The following PANX1 variants were observed in gnomAD, a reference collection of about 807,000 sequenced individuals.
PANX1 encodes pannexin 1, also known as pannexin-1.
In PANX1, 30 loss-of-function variants were observed where a neutral mutation model predicts 38.7. The observed-to-expected ratio is 0.78, with a 90% CI of 0.58 to 1.05. PANX1 has a LOEUF of 1.05. Among genes scored for constraint, PANX1 ranks in the 50% least tolerant of loss-of-function variants. The probability of loss-of-function intolerance (pLI) is 0.00; values close to 1 mark genes in which losing one functional copy is unlikely to be tolerated. For synonymous variants in PANX1, 230 were observed against 212.2 expected, an observed-to-expected ratio of 1.08 and a Z score of -0.73; for missense variants, 551 against 517.2, an observed-to-expected ratio of 1.07 and a Z score of -0.63.
intron 1 of PANX1, among the ~76,000 whole-genome samples, chr11:94,148,683 G>A (rs1178763253): frequency 6.6e-6 from 1 of 152,198 alleles, no homozygotes; most frequent in Non-Finnish European, 1.5e-5. Flanking sequence ...TATGGGGTAT[G>A]TGTGTCTATA....
chr11:94,167,089 T>TTG (rs1168761091), intron 2 of PANX1, among the ~76,000 whole-genome samples: 1 of 152,164 alleles, frequency 6.6e-6, no homozygotes, highest in Non-Finnish European at 1.5e-5. Flanking sequence ...AATGCTTCTT[T>TTG]TGTGGGACCT....
chr11:94,138,218 T>C (rs1190323831), intron 1 of PANX1, among the ~76,000 whole-genome samples: 2 of 152,194 alleles, frequency 1.3e-5, no homozygotes, highest in Admixed American at 1.3e-4. Context: ...CAAAAGTTAG[T>C]GGATTATCGT....
chr11:94,178,622 G>C (rs1197911605), intron 3 of PANX1, 30 bp downstream of exon 3: 11 of 1,544,310 alleles, frequency 7.1e-6, no homozygotes, highest in Non-Finnish European at 9.8e-6. Context: ...CAGCTCATCG[G>C]GTTTTGTAGG....
chr11:94,178,387 C>A lies in PANX1; in HGVS notation c.340C>A (p.Leu114Met), dbSNP rs1947259675. ...TTTTCAGTTTTTCCCCTACATCCTG[C>A]TGCTCTTTGCGATCCTCCTGTACCT... ...WLHKFFPYILLLFAILLYLPP... is the reference protein window; with the variant it reads ...WLHKFFPYILMLFAILLYLPP... Residue 114 changes from leucine (L) to methionine (M), a missense_variant, in exon 3 of 5, where the codon CTG (leucine) becomes ATG (methionine). By Grantham distance (15) the Leu-to-Met change is conservative. Transcript: ENST00000227638. 1.2e-6 allele frequency: 2 copies of A among 1,613,922 alleles called. No individual in the cohort carries two copies. The highest frequency in any genetic ancestry group is 1.7e-6 in the Non-Finnish European group (2 of 1,179,840).
In PANX1 at chr11:94,178,551, A is replaced by C. The variant is rs754481118; in HGVS notation, c.504A>C (p.Gly168=). The C allele has an allele frequency of 2.5e-6, 4 of 1,614,072 alleles. No individual in the cohort carries two copies. Among genetic ancestry groups the C allele is most frequent in the Non-Finnish European group, 3.4e-6 (4 of 1,179,972 alleles). Residue 168 remains glycine (G), a synonymous_variant, in exon 3 of 5, where the codon GGA becomes GGC. Transcript: ENST00000227638. ...CGCGTGACCTTGACATGAGAGATGG[A>C]GCCTGCTCAGTTCCAGGTGTTACCG... ...KSARDLDMRD[G]ACSVPGVTEN... is the part of the protein sequence containing the mutation.
chr11:94,129,685 C>G lies in PANX1; in HGVS notation c.181+192C>G, dbSNP rs532146950. 2.0e-5 allele frequency among the ~76,000 whole-genome samples: 3 copies of G among 152,348 alleles called. No homozygotes were observed. In the East Asian group the frequency reaches 5.8e-4, roughly 29 times the overall value. ...TGTTTCATTGGTACCCTGGTCTACT[C>G]TGCTCGCATCCCTACTCCTCAGTTC... On this transcript the variant is annotated intron_variant, in intron 1 of 4. Transcript: ENST00000227638.
intron 1 of PANX1, among the ~76,000 whole-genome samples, chr11:94,146,095 T>C (rs765923614): frequency 1.3e-5 from 2 of 152,148 alleles, no homozygotes; most frequent in Non-Finnish European, 2.9e-5. Flanking sequence ...AAACAGAAAG[T>C]AGACGACAAG....
At chr11:94,134,938 A>T (rs1443174005) in intron 1 of PANX1, among the ~76,000 whole-genome samples, 5 of 152,172 alleles carry the variant, frequency 3.3e-5, no homozygotes, top group Admixed American at 3.3e-4. Flanking sequence ...AGACAAAACT[A>T]TCAACAGACC....
intron 1 of PANX1, among the ~76,000 whole-genome samples, chr11:94,137,779 A>G (rs1946712991): frequency 7.2e-6 from 1 of 139,494 alleles, no homozygotes; most frequent in African/African-American, 2.8e-5. Context: ...ATATCATTAT[A>G]AAGATAAAAC....
intron 2 of PANX1, among the ~76,000 whole-genome samples, chr11:94,161,478 CCAT>C (rs1217738564): frequency 6.6e-6 from 1 of 152,208 alleles, no homozygotes; most frequent in Admixed American, 6.5e-5. Flanking sequence ...ATTTGATCTT[CCAT>C]CACTGATACC....
chr11:94,141,518 CTT>C (rs905672184), intron 1 of PANX1, among the ~76,000 whole-genome samples: 2 of 152,144 alleles, frequency 1.3e-5, no homozygotes, highest in Non-Finnish European at 2.9e-5. Context: ...CAGGTCTCCG[CTT>C]GTTTTCCTTG....
intron 2 of PANX1, among the ~76,000 whole-genome samples, chr11:94,158,958 AG>A (rs1351187213): frequency 2.6e-5 from 4 of 152,224 alleles, no homozygotes; most frequent in East Asian, 1.9e-4. Context: ...TCTAGCATGA[AG>A]GGTTGTTGAA....
intron 1 of PANX1, among the ~76,000 whole-genome samples, chr11:94,143,337 A>G (rs1946786752): frequency 6.6e-6 from 1 of 152,210 alleles, no homozygotes; most frequent in Non-Finnish European, 1.5e-5. Flanking sequence ...ATTGTAGAGG[A>G]TAAGACAGAT....
intron 1 of PANX1, among the ~76,000 whole-genome samples, chr11:94,130,099 A>C (rs935225897): frequency 1.3e-5 from 2 of 152,230 alleles, no homozygotes; most frequent in Admixed American, 6.5e-5. Context: ...TTTGAGCTTC[A>C]TAACAGTTGT....
At chr11:94,148,145 T>C (rs1279412607) in intron 1 of PANX1, among the ~76,000 whole-genome samples, 1 of 152,180 alleles carries the variant, frequency 6.6e-6, no homozygotes, top group Non-Finnish European at 1.5e-5. Context: ...AAAACATGCA[T>C]GTGCCTCAGA....
intron 3 of PANX1, 31 bp from the exon 4 acceptor site, chr11:94,179,571 C>T: frequency 6.4e-7 from 1 of 1,554,412 alleles, no homozygotes; most frequent in Non-Finnish European, 8.9e-7. Context: ...TGATGAGTGC[C>T]TAAGTTATTT....
At chr11:94,177,546 T>C (rs1947248143) in intron 2 of PANX1, among the ~76,000 whole-genome samples, 1 of 152,178 alleles carries the variant, frequency 6.6e-6, no homozygotes, top group African/African-American at 2.4e-5. Flanking sequence ...TGAGCTTCAA[T>C]TCAGATCTGC....
intron 2 of PANX1, chr11:94,175,792 T>C: frequency 1.0e-6 from 1 of 984,814 alleles, no homozygotes; most frequent in Non-Finnish European, 1.2e-6. Flanking sequence ...CACAGCCTGC[T>C]TTGTGTGTCA....
At chr11:94,150,428 G>A (rs533527712) in intron 1 of PANX1, among the ~76,000 whole-genome samples, 5 of 152,316 alleles carry the variant, frequency 3.3e-5, no homozygotes, top group African/African-American at 7.2e-5. Context: ...GAAAACTCAC[G>A]AAGATCTAAC....
Sources: gnomAD v4.1 joint callset for allele counts (sites outside exome capture counted in the v4.1 genomes callset) on GRCh38, gnomAD v4.1.1 for gene constraint, MANE v1.5 for transcripts, NCBI Gene and HGNC (gene_info 2026-07-23, HGNC 2026-07-21) for gene names.